Variants in C10orf88 observed in about 807,000 individuals in gnomAD.
C10orf88 encodes the protein chromosome 10 open reading frame 88, also known as ATPase PAAT.
A neutral mutation model predicts 34.2 loss-of-function variants in C10orf88; 29 were observed. The observed-to-expected ratio is 0.85, with a 90% confidence interval of 0.63 to 1.16. The LOEUF (loss-of-function observed/expected upper bound fraction) is 1.16. C10orf88 is among the 50% of genes most tolerant of loss of function. The pLI is 0.00. For missense variants in C10orf88, 507 were observed against 533.2 expected (o/e 0.95, Z 0.48); for synonymous variants, 194 against 197.4 (o/e 0.98, Z 0.15).
Position 122,952,970 on chromosome 10 carries a change from T to A in C10orf88, c.227A>T (p.Tyr76Phe). Residue 76 changes from tyrosine (Y) to phenylalanine (F), a missense_variant, in exon 2 of 6, where the codon TAC (tyrosine) becomes TTC (phenylalanine). Physicochemically the swap from Tyr to Phe is conservative, Grantham distance 22 (BLOSUM62 3). Transcript: ENST00000481909. Reference sequence around the variant, plus strand: ...ACCTCCATCAGGGCCACACCTCAGGTAAAGGAAGCAGGGGTTTTCATCTTT... The same window carrying A: ...ACCTCCATCAGGGCCACACCTCAGGAAAAGGAAGCAGGGGTTTTCATCTTT... ...NNKDENPCFL[Y>F]LRCGPDGGEE... 6.2e-7 allele frequency: 1 copy of A among 1,614,152 alleles called. No individual in the cohort carries two copies. Among genetic ancestry groups the A allele is most frequent in the Non-Finnish European group, 8.5e-7 (1 of 1,180,020 alleles).
In C10orf88 at chr10:122,951,960, T is replaced by G. The variant is rs1190498745; in HGVS notation, c.435A>C (p.Lys145Asn). ...TTTACAACTGACAACTTACCTTTAT[T>G]TTACAAGCATGTGTGGAGGACTCCA... is the stretch of plus-strand genomic sequence containing the variant. Reference protein sequence around the residue: ...LKLESSTHACKIKLLSFGERQ... With the variant: ...LKLESSTHACNIKLLSFGERQ... The change falls in exon 3 of 6, where the codon AAA becomes AAC. Residue 145 changes from lysine (K) to asparagine (N), a missense_variant. Coordinates refer to ENST00000481909, the MANE Select transcript of C10orf88 (RefSeq NM_024942.4). 2 of 1,542,232 alleles carry G rather than the reference T, an allele frequency of 1.3e-6. No individual in the cohort carries two copies. Among genetic ancestry groups the G allele is most frequent in the African/African-American group, 2.7e-5 (2 of 72,842 alleles).
Position 122,948,330 on chromosome 10 carries a change from T to C in C10orf88, c.648+319A>G, listed in dbSNP as rs117789035. ...GTGTTTTCATCATTCCCCACTTACA[T>C]GCTCCAGAATGTAAAAATTCTTAAA... On this transcript the variant is annotated intron_variant, in intron 4 of 5. Transcript: ENST00000481909. 4.6e-3 allele frequency among the ~76,000 whole-genome samples: 696 copies of C among 152,292 alleles called. 3 individuals are homozygous for C. Among genetic ancestry groups the C allele is most frequent in the Non-Finnish European group, 8.0e-3 (547 of 68,020 alleles).
intron 3 of C10orf88, 96 bp downstream of exon 3, chr10:122,951,858 G>T: frequency 1.3e-6 from 1 of 764,096 alleles, no homozygotes; most frequent in Non-Finnish European, 2.2e-6. Context: ...AAGCAAGCAA[G>T]TTGGACTAAT....
intron 1 of C10orf88, 55 bp from the exon 2 acceptor site, chr10:122,953,087 T>C (rs1848707752): frequency 7.1e-7 from 1 of 1,410,880 alleles, no homozygotes; most frequent in Non-Finnish European, 9.9e-7. Context: ...AACATGACTC[T>C]TCTTTTTTGA....
chr10:122,934,719 T>C (rs1374100820), intron 5 of C10orf88, among the ~76,000 whole-genome samples: 1 of 152,176 alleles, frequency 6.6e-6, no homozygotes. Context: ...ATGTTTAGTT[T>C]TTAAGATATT....
At chr10:122,945,079 C>G (rs975133483) in intron 4 of C10orf88, among the ~76,000 whole-genome samples, 1 of 149,894 alleles carries the variant, frequency 6.7e-6, no homozygotes, top group Non-Finnish European at 1.5e-5. Flanking sequence ...TGTATATATA[C>G]GTATATATAT....
At chr10:122,945,613 T>C (rs1848632083) in intron 4 of C10orf88, among the ~76,000 whole-genome samples, 1 of 151,990 alleles carries the variant, frequency 6.6e-6, no homozygotes, top group Non-Finnish European at 1.5e-5. Context: ...AATGTGTATG[T>C]TTGTGTCTTT....
Position 122,954,179 on chromosome 10 carries a change from TCCGCCG to T in C10orf88, c.-7_-2del. ...CCCCGTCCTCGGTCCGCGTCTCCAT[TCCGCCG>T]CCTTCAGTCAGGCCAGCCCAGCCCC... On this transcript the variant is annotated 5_prime_UTR_variant, in exon 1 of 6. Coordinates refer to ENST00000481909, the MANE Select transcript of C10orf88 (RefSeq NM_024942.4). 1 of 1,561,148 alleles carries T rather than the reference TCCGCCG, an allele frequency of 6.4e-7. No individual in the cohort carries two copies. The highest frequency in any genetic ancestry group is 8.6e-7 in the Non-Finnish European group (1 of 1,160,728).
At chr10:122,950,463 AACAAGG>A (rs2133336792) in intron 3 of C10orf88, among the ~76,000 whole-genome samples, 1 of 152,372 alleles carries the variant, frequency 6.6e-6, no homozygotes, top group Admixed American at 6.5e-5. Flanking sequence ...CCACATGTCA[AACAAGG>A]ACATAGGTCA....
chr10:122,940,895 C>G (rs1283268683), intron 4 of C10orf88, among the ~76,000 whole-genome samples: 3 of 151,996 alleles, frequency 2.0e-5, no homozygotes, highest in Non-Finnish European at 2.9e-5. Context: ...TTAGAGAGAA[C>G]TGTGTCCATA....
chr10:122,948,393 T>C (rs1379789219), intron 4 of C10orf88, among the ~76,000 whole-genome samples: 2 of 152,134 alleles, frequency 1.3e-5, no homozygotes, highest in Non-Finnish European at 2.9e-5. Flanking sequence ...ACACTCAAAA[T>C]TGCTCAAACC....
intron 2 of C10orf88, among the ~76,000 whole-genome samples, chr10:122,952,234 A>G (rs1042700411): frequency 2.6e-5 from 4 of 152,220 alleles, no homozygotes; most frequent in Non-Finnish European, 5.9e-5. Flanking sequence ...ATTACATTAT[A>G]TAACATATGT....
At chr10:122,953,493 G>A (rs535712128) in intron 1 of C10orf88, among the ~76,000 whole-genome samples, 10 of 152,270 alleles carry the variant, frequency 6.6e-5, no homozygotes, top group African/African-American at 2.4e-4. Flanking sequence ...ACACATCAGG[G>A]CTTTCCCAAA....
chr10:122,932,786 A>G (rs1848496875), intron 5 of C10orf88, 125 bp from the exon 6 acceptor site: 1 of 676,766 alleles, frequency 1.5e-6, no homozygotes, highest in Non-Finnish European at 2.5e-6. Context: ...TCTTCTTACA[A>G]TGCATTTCTA....
At chr10:122,950,409 T>C (rs764505279) in intron 3 of C10orf88, among the ~76,000 whole-genome samples, 24 of 152,282 alleles carry the variant, frequency 1.6e-4, no homozygotes, top group Non-Finnish European at 3.1e-4. Flanking sequence ...TGTACCTCCA[T>C]TGAACAGTTA....
intron 3 of C10orf88, among the ~76,000 whole-genome samples, chr10:122,951,196 T>C (rs1185536796): frequency 6.6e-6 from 1 of 152,208 alleles, no homozygotes; most frequent in African/African-American, 2.4e-5. Context: ...CCCTTTAACT[T>C]ATTGGTTCTC....
At chr10:122,937,110 G>A (rs1307758884) in intron 5 of C10orf88, among the ~76,000 whole-genome samples, 10 of 151,900 alleles carry the variant, frequency 6.6e-5, no homozygotes, top group Admixed American at 6.6e-4. Context: ...CACACCTAGA[G>A]TCCTGAATTC....
chr10:122,937,634 A>C (rs1410853442), intron 5 of C10orf88, 71 bp downstream of exon 5: 9 of 1,358,754 alleles, frequency 6.6e-6, no homozygotes, highest in African/African-American at 1.5e-5. Flanking sequence ...TCATTGAGAC[A>C]AATCTGTTTC....
At chr10:122,935,703 T>G (rs929462209) in intron 5 of C10orf88, among the ~76,000 whole-genome samples, 3 of 151,920 alleles carry the variant, frequency 2.0e-5, no homozygotes, top group African/African-American at 7.2e-5. Flanking sequence ...AATTTATATA[T>G]CAACTAGGAG....
Sources: gnomAD v4.1 joint callset for allele counts (sites outside exome capture counted in the v4.1 genomes callset) on GRCh38, gnomAD v4.1.1 for gene constraint, MANE v1.5 for transcripts, NCBI Gene and HGNC (gene_info 2026-07-23, HGNC 2026-07-21) for gene names.